TP63: variants seen among roughly 807,000 people sequenced by gnomAD.
TP63 encodes tumor protein p63.
Under a neutral mutation model 82.8 loss-of-function variants are expected in TP63, and 17 were observed. That is an observed-to-expected ratio of 0.21 (90% CI 0.14 to 0.31). TP63 has a LOEUF of 0.31. TP63 is among the 10% of genes least tolerant of loss of function. The pLI is 1.00. For missense variants in TP63, 648 were observed against 895.3 expected (o/e 0.72, Z 3.52); for synonymous variants, 330 against 321.7 (o/e 1.03, Z -0.28).
At chr3:189,667,405 C>T (rs1024913894) in intron 1 of TP63, among the ~76,000 whole-genome samples, 7 of 151,918 alleles carry the variant, frequency 4.6e-5, no homozygotes, top group South Asian at 2.1e-4. Context: ...AAGTTCCTGA[C>T]CTCTTGGTCT....
Position 189,896,475 on chromosome 3 carries a change from TAAAG to T in TP63, c.*1975_*1978del, listed in dbSNP as rs1448712842. On this transcript the variant is annotated 3_prime_UTR_variant, in exon 14 of 14. Coordinates refer to ENST00000264731, the MANE Select transcript of TP63 (RefSeq NM_003722.5). The stretch of plus-strand genomic sequence containing the variant: ...ATTATTTTTTTAAAATTTTGTATGT[TAAAG>T]AGAATGAGTCCTTGATTTCAAAGTT... The T allele has an allele frequency of 1.5e-5, 3 of 203,020 alleles. No individual in the cohort carries two copies. The highest frequency in any genetic ancestry group is 6.9e-5 in the African/African-American group (3 of 43,682). 12.6% of individuals were successfully genotyped at this position (203,020 alleles called of 1,614,324 possible). A position where few individuals can be genotyped will look rare whatever the true frequency, so the allele number is the denominator to read the frequency against.
chr3:189,616,305 C>A, the TP63 span, among the ~76,000 whole-genome samples: 1 of 152,196 alleles, frequency 6.6e-6, no homozygotes, highest in Admixed American at 6.5e-5. Flanking sequence ...CACTTTCTGA[C>A]AGCATTGAGT....
At chr3:189,813,096 C>T (rs1727752764) in intron 4 of TP63, among the ~76,000 whole-genome samples, 1 of 152,106 alleles carries the variant, frequency 6.6e-6, no homozygotes, top group Non-Finnish European at 1.5e-5. Context: ...GATTTAAGAA[C>T]CTGTTGATTT....
At chr3:189,851,451 T>C (rs1051417301) in intron 4 of TP63, among the ~76,000 whole-genome samples, 1 of 151,938 alleles carries the variant, frequency 6.6e-6, no homozygotes, top group African/African-American at 2.4e-5. Context: ...GGTGGGCGCC[T>C]GTAATCCCAG....
intron 1 of TP63, among the ~76,000 whole-genome samples, chr3:189,697,781 T>C (rs1460714163): frequency 6.6e-6 from 1 of 152,044 alleles, no homozygotes; most frequent in Non-Finnish European, 1.5e-5. Flanking sequence ...ATTGGATTTA[T>C]AGCCAAATAT....
At chr3:189,730,954 G>A (rs1226829376) in intron 1 of TP63, among the ~76,000 whole-genome samples, 1 of 152,224 alleles carries the variant, frequency 6.6e-6, no homozygotes, top group Non-Finnish European at 1.5e-5. Context: ...CCAATGGGGA[G>A]TAAGTGTGGA....
chr3:189,751,179 A>G (rs1046649888), intron 3 of TP63, among the ~76,000 whole-genome samples: 4 of 152,192 alleles, frequency 2.6e-5, no homozygotes, highest in South Asian at 4.1e-4. Flanking sequence ...ATAGTATTCC[A>G]TGGTGTATAT....
chr3:189,692,441 T>C (rs1045058569), intron 1 of TP63, among the ~76,000 whole-genome samples: 6 of 151,890 alleles, frequency 4.0e-5, no homozygotes, highest in African/African-American at 1.4e-4. Flanking sequence ...ATCCTTCCCC[T>C]TCCTCCCTCC....
In TP63 at chr3:189,640,465, C is replaced by T. The variant is rs115554165; in HGVS notation, c.62+8888C>T. On this transcript the variant is annotated intron_variant, in intron 1 of 13. Transcript: ENST00000264731. ...TGTGAAATATTAATGCACGATTTAT[C>T]TTCAAGTTAGTACTGCTGCAAATGT... Among the ~76,000 whole-genome samples, 854 of 152,202 alleles carry T rather than the reference C, an allele frequency of 5.6e-3. 5 individuals are homozygous for T. The highest frequency in any genetic ancestry group is 0.02 in the African/African-American group (820 of 41,528).
chr3:189,808,802 GGC>G (rs1268341521), intron 4 of TP63, among the ~76,000 whole-genome samples: 1 of 152,194 alleles, frequency 6.6e-6, no homozygotes, highest in African/African-American at 2.4e-5. Context: ...GAAAGTTCAT[GGC>G]AAGGTAAAGA....
At chr3:189,778,187 T>C (rs1269654599) in intron 3 of TP63, among the ~76,000 whole-genome samples, 1 of 152,166 alleles carries the variant, frequency 6.6e-6, no homozygotes, top group Admixed American at 6.6e-5. Flanking sequence ...CTTCTTTAGG[T>C]CTTATTGCAG....
intron 1 of TP63, among the ~76,000 whole-genome samples, chr3:189,652,628 A>C (rs1469038885): frequency 1.4e-5 from 2 of 146,410 alleles, no homozygotes; most frequent in African/African-American, 5.1e-5. Flanking sequence ...TAAGAACATG[A>C]GATTTTGGAG....
chr3:189,721,003 G>A (rs1402862281), intron 1 of TP63, among the ~76,000 whole-genome samples: 1 of 152,180 alleles, frequency 6.6e-6, no homozygotes, highest in African/African-American at 2.4e-5. Context: ...TGTCCATAAA[G>A]GCATTTGCCT....
chr3:189,747,588 T>C (rs1721475263), intron 3 of TP63, among the ~76,000 whole-genome samples: 1 of 151,962 alleles, frequency 6.6e-6, no homozygotes, highest in Admixed American at 6.5e-5. Flanking sequence ...AAAAGCAGTG[T>C]TAACAGGGAA....
intron 1 of TP63, among the ~76,000 whole-genome samples, chr3:189,737,258 T>G (rs1720660980): frequency 6.6e-6 from 1 of 151,876 alleles, no homozygotes; most frequent in Non-Finnish European, 1.5e-5. Context: ...GAGGGATGAC[T>G]AATCTGAGGA....
chr3:189,737,629 A>G, intron 1 of TP63, 111 bp from the exon 2 acceptor site: 2 of 1,330,450 alleles, frequency 1.5e-6, no homozygotes, highest in East Asian at 2.4e-5. Context: ...ATATACCTGC[A>G]TGGTTTTATA....
Position 189,897,206 on chromosome 3 carries a change from A to G in TP63, c.*2704A>G, listed in dbSNP as rs1252438114. The G allele has an allele frequency of 4.7e-6, 1 of 213,394 alleles. No individual in the cohort carries two copies. Among genetic ancestry groups the G allele is most frequent in the East Asian group, 7.1e-5 (1 of 14,046 alleles). 13.2% of individuals were successfully genotyped at this position (213,394 alleles called of 1,614,324 possible). A position where few individuals can be genotyped will look rare whatever the true frequency, so the allele number is the denominator to read the frequency against. The stretch of plus-strand genomic sequence containing the variant: ...TGGGCTTTTGGGGAGCCAGAAGCCA[A>G]TCTACAATCTCTTTTTGTTTGCCAG... On this transcript the variant is annotated 3_prime_UTR_variant, in exon 14 of 14. Coordinates refer to ENST00000264731, the MANE Select transcript of TP63 (RefSeq NM_003722.5).
chr3:189,872,848 C>A lies in TP63; in HGVS notation c.1213-11C>A. On this transcript the variant is annotated splice_polypyrimidine_tract_variant and intron_variant, in intron 9 of 13. Transcript: ENST00000264731. ...TCATGTTTCCTTCTTTCCTTCTGCT[C>A]ACTTCCATAGGTGAGGGGCCGTGAG... 1 of 1,614,122 alleles carries A rather than the reference C, an allele frequency of 6.2e-7. No homozygotes were observed.
chr3:189,820,010 A>G (rs1356674630), intron 4 of TP63, among the ~76,000 whole-genome samples: 3 of 152,038 alleles, frequency 2.0e-5, no homozygotes, highest in Non-Finnish European at 2.9e-5. Context: ...CGGCCTCCCA[A>G]AGTGCTGGGA....
Sources: gnomAD v4.1 joint callset for allele counts (sites outside exome capture counted in the v4.1 genomes callset) on GRCh38, gnomAD v4.1.1 for gene constraint, MANE v1.5 for transcripts, NCBI Gene and HGNC (gene_info 2026-07-23, HGNC 2026-07-21) for gene names.